MGST1: variants seen among roughly 807,000 people sequenced by gnomAD.
MGST1 encodes microsomal glutathione S-transferase 1.
MGST1 carries 5 observed loss-of-function variants against 8.9 expected under a neutral mutation model. The ratio of observed to expected loss-of-function variants is 0.56; its 90% CI spans 0.29 to 1.19. The LOEUF (loss-of-function observed/expected upper bound fraction) is 1.19. MGST1 is among the 50% of genes most tolerant of loss of function. MGST1 has a pLI of 0.08. For synonymous variants in MGST1, 54 were observed against 67.8 expected (o/e 0.80, Z 1.00); for missense variants, 182 against 187.4 (o/e 0.97, Z 0.17).
In MGST1 at chr12:16,363,706, C is replaced by T. The variant is rs1591704133; in HGVS notation, c.222-89C>T. 1.8e-6 allele frequency: 2 copies of T among 1,139,416 alleles called. No individual in the cohort carries two copies. Among genetic ancestry groups the T allele is most frequent in the East Asian group, 5.0e-5 (2 of 39,838 alleles). The allele number at this position is 1,139,416 out of a possible 1,614,324, so 70.6% of individuals were successfully genotyped here. ...TTTGAAATTTAAGGATCCATTAGTG[C>T]TCAGATTTAGTTTTTAGAAGAGAGA... On this transcript the variant is annotated intron_variant, in intron 3 of 3. Coordinates refer to ENST00000396210, the MANE Select transcript of MGST1 (RefSeq NM_020300.5). The surrounding 1 kb of genome is among the most constrained non-coding windows in gnomAD (Gnocchi z 4.6).
chr12:16,548,643 T>A lies in MGST1; in HGVS notation n.483-40885T>A, dbSNP rs543188751. ...GCATCAGACAACAAGCTAAATGACG[T>A]TAGGGCTACACAACACAAAGGGGAA... On this transcript the variant is annotated intron_variant and non_coding_transcript_variant, in intron 4 of 4. Transcript: ENST00000538857. This position sits in a 1 kb window ranked among gnomAD's most constrained non-coding sequence, Gnocchi z 4.2. 1 of 152,108 alleles carries A rather than the reference T, an allele frequency of 6.6e-6. No individual in the cohort carries two copies. The highest frequency in any genetic ancestry group is 2.1e-4 in the South Asian group (1 of 4,818). The allele number at this position is 152,108 out of a possible 1,614,324, so 9.4% of individuals were successfully genotyped here.
At chr12:16,395,826 C>CACACACACACACACACACA in intron 1 of MGST1, among the ~76,000 whole-genome samples, 1 of 132,306 alleles carries the variant, frequency 7.6e-6, no homozygotes, top group East Asian at 2.6e-4. Flanking sequence ...CACACACACA[C>CACACACACACACACACACA]CACAATTTCT....
chr12:16,437,220 T>C (rs1320881060), intron 1 of MGST1, among the ~76,000 whole-genome samples: 1 of 151,858 alleles, frequency 6.6e-6, no homozygotes, highest in South Asian at 2.1e-4. Flanking sequence ...GGAGGGTGAC[T>C]CTAATCAACA....
chr12:16,424,063 T>C (rs1266372584), intron 1 of MGST1, among the ~76,000 whole-genome samples: 1 of 152,244 alleles, frequency 6.6e-6, no homozygotes, highest in Non-Finnish European at 1.5e-5. Flanking sequence ...TGTCTTTCTC[T>C]CTGCAACTAG....
intron 4 of MGST1, among the ~76,000 whole-genome samples, chr12:16,532,654 G>A (rs1445952672): frequency 4.6e-5 from 7 of 152,094 alleles, no homozygotes; most frequent in Admixed American, 1.3e-4. Flanking sequence ...TACACAAAGC[G>A]TTCGTCTCTA....
At position 16,361,483 on chromosome 12, in the gene MGST1, T is replaced by C. The variant is rs543774698; in HGVS notation, c.222-2312T>C. 8.3e-4 allele frequency among the ~76,000 whole-genome samples: 127 copies of C among 152,194 alleles called. No homozygotes were observed. Among genetic ancestry groups the C allele is most frequent in the African/African-American group, 3.0e-3 (124 of 41,526 alleles). ...GGGGAAGAAGGGTAATAGACCCAGG[T>C]AGAAAGTGGACTCTTAGGAAGACTG... On this transcript the variant is annotated intron_variant, in intron 3 of 3. Coordinates refer to ENST00000396210, the MANE Select transcript of MGST1 (RefSeq NM_020300.5). This position sits in a 1 kb window ranked among gnomAD's most constrained non-coding sequence, Gnocchi z 4.2.
intron 4 of MGST1, among the ~76,000 whole-genome samples, chr12:16,455,135 G>A (rs1046494382): frequency 2.6e-5 from 4 of 152,012 alleles, no homozygotes; most frequent in African/African-American, 7.2e-5. Context: ...TGAGGACAAT[G>A]ATAGGATGTA....
At chr12:16,428,847 A>G (rs1053378810) in intron 1 of MGST1, among the ~76,000 whole-genome samples, 2 of 152,022 alleles carry the variant, frequency 1.3e-5, no homozygotes, top group Non-Finnish European at 2.9e-5. Flanking sequence ...TTTTTGGTCT[A>G]TAAGACATAT....
At chr12:16,533,962 C>G (rs1269139630) in intron 4 of MGST1, among the ~76,000 whole-genome samples, 1 of 152,074 alleles carries the variant, frequency 6.6e-6, no homozygotes, top group East Asian at 1.9e-4. Flanking sequence ...TAGAACATGG[C>G]TATTCAGGAA....
intron 4 of MGST1, among the ~76,000 whole-genome samples, chr12:16,519,900 G>T (rs923586011): frequency 5.9e-5 from 9 of 152,104 alleles, no homozygotes; most frequent in Non-Finnish European, 1.5e-5. Flanking sequence ...ATCAACATTT[G>T]TATATGTCTT....
At position 16,548,993 on chromosome 12, in the gene MGST1, G is replaced by A. The variant is rs1245359386; in HGVS notation, n.483-40535G>A. 1 of 152,142 alleles carries A rather than the reference G, an allele frequency of 6.6e-6. No homozygotes were observed. Among genetic ancestry groups the A allele is most frequent in the African/African-American group, 2.4e-5 (1 of 41,444 alleles). The allele number at this position is 152,142 out of a possible 1,614,324, so 9.4% of individuals were successfully genotyped here. A position where few individuals can be genotyped will look rare whatever the true frequency, so the allele number is the denominator to read the frequency against. Reference sequence around the variant, plus strand: ...GAACAACTTCAAGAAGCTGAGAGAAGTTTGTTCCCAATTTACAAGTATTTT... The same window carrying A: ...GAACAACTTCAAGAAGCTGAGAGAAATTTGTTCCCAATTTACAAGTATTTT... On this transcript the variant is annotated intron_variant and non_coding_transcript_variant, in intron 4 of 4. Transcript: ENST00000538857. The surrounding 1 kb of genome is among the most constrained non-coding windows in gnomAD (Gnocchi z 4.2).
intron 4 of MGST1, among the ~76,000 whole-genome samples, chr12:16,457,912 G>T (rs764916415): frequency 6.6e-6 from 1 of 151,978 alleles, no homozygotes; most frequent in Non-Finnish European, 1.5e-5. Flanking sequence ...TTTTGGAGGA[G>T]GGGGAGGTGA....
At chr12:16,348,587 C>G (rs1276319489) in intron 1 of MGST1, among the ~76,000 whole-genome samples, 1 of 152,088 alleles carries the variant, frequency 6.6e-6, no homozygotes, top group Non-Finnish European at 1.5e-5. Context: ...CCAGTGAGTG[C>G]TGAGTGGGTG....
chr12:16,400,562 G>T, intron 1 of MGST1: 1 of 906,588 alleles, frequency 1.1e-6, no homozygotes, highest in East Asian at 2.4e-5. Context: ...TTAATAATTC[G>T]GAAAGCATTC....
At chr12:16,462,342 T>G (rs1403744716) in intron 4 of MGST1, among the ~76,000 whole-genome samples, 1 of 152,166 alleles carries the variant, frequency 6.6e-6, no homozygotes, top group African/African-American at 2.4e-5. Context: ...ATGACTTTCA[T>G]AAGGTTATAA....
chr12:16,418,998 C>T (rs1940809685), intron 1 of MGST1, among the ~76,000 whole-genome samples: 1 of 152,010 alleles, frequency 6.6e-6, no homozygotes, highest in Non-Finnish European at 1.5e-5. Flanking sequence ...TTATTGATGT[C>T]CAGGCTCATG....
chr12:16,399,573 T>C, intron 1 of MGST1: 1 of 1,597,604 alleles, frequency 6.3e-7, no homozygotes. Context: ...TTCATAGTCA[T>C]CTTCTGAAGG....
chr12:16,452,178 G>A (rs1007469118), intron 4 of MGST1, among the ~76,000 whole-genome samples: 4 of 151,842 alleles, frequency 2.6e-5, no homozygotes, highest in Non-Finnish European at 5.9e-5. Context: ...GAGTTGCAAA[G>A]TCTTTACTTT....
At chr12:16,392,145 G>T (rs975739906) in intron 1 of MGST1, among the ~76,000 whole-genome samples, 9 of 152,118 alleles carry the variant, frequency 5.9e-5, no homozygotes, top group Non-Finnish European at 4.4e-5. Context: ...GATTACTGTA[G>T]CCCTGTAATA....
Sources: gnomAD v4.1 joint callset for allele counts (sites outside exome capture counted in the v4.1 genomes callset) on GRCh38, gnomAD v4.1.1 for gene constraint, Gnocchi (gnomAD v3.1) non-coding constraint, MANE v1.5 for transcripts, NCBI Gene and HGNC (gene_info 2026-07-23, HGNC 2026-07-21) for gene names.